The following ATM variants were observed in gnomAD, a reference collection of about 807,000 sequenced individuals.
The protein encoded by ATM is serine-protein kinase ATM.
ATM carries 308 observed loss-of-function variants against 387.0 expected under a neutral mutation model. That is an observed-to-expected ratio of 0.80 (90% CI 0.73 to 0.87). ATM has a LOEUF of 0.87. Among genes scored for constraint, ATM ranks in the 40% least tolerant of loss-of-function variants. The pLI is 0.00. For synonymous variants in ATM, 1,156 were observed against 1,187.3 expected (o/e 0.97, Z 0.54); for missense variants, 3,312 against 3,560.9 (o/e 0.93, Z 1.78).
Position 108,329,175 on chromosome 11 carries a change from C to G in ATM, c.7244C>G (p.Ala2415Gly), listed in dbSNP as rs370567994. 39 of 1,613,872 alleles carry G rather than the reference C, an allele frequency of 2.4e-5. No individual in the cohort carries two copies. The African/African-American group carries it at 4.9e-4, about 20-fold the overall frequency. Reference protein sequence around the residue: ...MKSSEFENKQALLKRAKEEVG... With the variant: ...MKSSEFENKQGLLKRAKEEVG... ...TCATCGGAATTTGAAAACAAGCAAG[C>G]TCTCCTGAAAAGAGCCAAAGAGGAA... The change falls in exon 49 of 63, where the codon GCT becomes GGT. Residue 2415 changes from alanine to glycine, a missense_variant. Transcript: ENST00000675843.
intron 45 of ATM, 61 bp from the exon 46 acceptor site, chr11:108,325,249 G>GTTTTTTT (rs11366542): frequency 3.5e-6 from 2 of 566,214 alleles, no homozygotes; most frequent in African/African-American, 2.4e-5. Context: ...AACTTACATA[G>GTTTTTTT]TTTTTTTTTT....
rs764787081 is a variant in ATM, at chr11:108,289,712, A to C, written c.4347A>C (p.Leu1449Phe). The change falls in exon 29 of 63, where the codon TTA becomes TTC. Residue 1449 changes from leucine (L) to phenylalanine (F), a missense_variant. Coordinates refer to ENST00000675843, the MANE Select transcript of ATM (RefSeq NM_000051.4). ...TATATCACCTGTTTGTTAGTTTATT[A>C]CTGAAAGATATAAAAAGTGGCTTAG... Reference protein sequence around the residue: ...LKIYHLFVSLLLKDIKSGLGG... With the variant: ...LKIYHLFVSLFLKDIKSGLGG... 1 of 1,613,656 alleles carries C rather than the reference A, an allele frequency of 6.2e-7. No homozygotes were observed. Among genetic ancestry groups the C allele is most frequent in the South Asian group, 1.1e-5 (1 of 91,064 alleles).
In ATM at chr11:108,367,929, C is replaced by T. The variant is rs2091417519; in HGVS notation, c.*2421C>T. Reference sequence around the variant, plus strand: ...AGGAAATGCAGTAAACTTAAAATGTCTTTAAGAAAGCCCTGAAATCTTCAT... The same window carrying T: ...AGGAAATGCAGTAAACTTAAAATGTTTTTAAGAAAGCCCTGAAATCTTCAT... On this transcript the variant is annotated 3_prime_UTR_variant, in exon 63 of 63. Coordinates refer to ENST00000675843, the MANE Select transcript of ATM (RefSeq NM_000051.4). 4.9e-6 allele frequency: 1 copy of T among 205,772 alleles called. No individual in the cohort carries two copies. 12.7% of individuals were successfully genotyped at this position (205,772 alleles called of 1,614,324 possible).
At chr11:108,246,563 G>A (rs1489299343) in intron 7 of ATM, among the ~76,000 whole-genome samples, 1 of 152,196 alleles carries the variant, frequency 6.6e-6, no homozygotes, top group Admixed American at 6.5e-5. Context: ...CTGAAATGGT[G>A]AGAAGTCTGA....
chr11:108,260,929 C>T (rs964514093), intron 16 of ATM, among the ~76,000 whole-genome samples: 16 of 152,174 alleles, frequency 1.1e-4, no homozygotes, highest in Admixed American at 2.0e-4. Context: ...TCTTTTGCGA[C>T]GGGCTTAAAA....
In ATM at chr11:108,250,892, A is replaced by G. The variant is rs1397399631; in HGVS notation, c.1427A>G (p.Gln476Arg). Residue 476 changes from glutamine (Q) to arginine (R), a missense_variant, in exon 10 of 63, where the codon CAA becomes CGA. Gln to Arg is a conservative substitution (Grantham distance 43). This residue lies in a region of ATM where 1,791 missense variants were observed against 1,804.5 expected (regional missense o/e 0.99). Transcript: ENST00000675843. ...QDKRSNLESS[Q>R]KSDLLKLWNK... Reference sequence around the variant, plus strand: ...AAGAGGTCAAACCTAGAAAGCTCACAAAAGTCAGATTTATTAAAACTCTGG... The same window carrying G: ...AAGAGGTCAAACCTAGAAAGCTCACGAAAGTCAGATTTATTAAAACTCTGG... 6.2e-7 allele frequency: 1 copy of G among 1,614,186 alleles called. No individual in the cohort carries two copies. Among genetic ancestry groups the G allele is most frequent in the Non-Finnish European group, 8.5e-7 (1 of 1,180,014 alleles).
intron 16 of ATM, among the ~76,000 whole-genome samples, chr11:108,266,461 A>T (rs2081245706): frequency 7.4e-6 from 1 of 134,468 alleles, no homozygotes; most frequent in Non-Finnish European, 1.5e-5. Flanking sequence ...CAGGAAGGGG[A>T]ATATCACACT....
intron 28 of ATM, 86 bp from the exon 29 acceptor site, chr11:108,289,516 A>G: frequency 1.9e-6 from 2 of 1,042,252 alleles, no homozygotes; most frequent in South Asian, 1.7e-5. Context: ...TAGGTATTCA[A>G]ATATTTGAAG....
intron 59 of ATM, among the ~76,000 whole-genome samples, chr11:108,349,646 G>C (rs1375066994): frequency 6.6e-5 from 10 of 152,102 alleles, no homozygotes; most frequent in Non-Finnish European, 1.5e-5. Flanking sequence ...CTGGGCGGCA[G>C]AGCAAGACTG....
intron 60 of ATM, 81 bp from the exon 61 acceptor site, chr11:108,354,730 C>CA: frequency 8.4e-7 from 1 of 1,194,270 alleles, no homozygotes; most frequent in Non-Finnish European, 1.3e-6. Flanking sequence ...CAGCATACTA[C>CA]ACATGAGAGT....
chr11:108,278,889 T>C (rs1008326617), intron 22 of ATM, among the ~76,000 whole-genome samples: 4 of 152,124 alleles, frequency 2.6e-5, no homozygotes, highest in African/African-American at 9.7e-5. Context: ...ATAGCAGATA[T>C]CTAATGTTCA....
intron 4 of ATM, among the ~76,000 whole-genome samples, chr11:108,231,795 G>C (rs1335047777): frequency 2.0e-5 from 3 of 151,874 alleles, no homozygotes; most frequent in African/African-American, 7.3e-5. Flanking sequence ...CAGATTGGTG[G>C]TATGAGACTT....
Position 108,317,650 on chromosome 11 carries a change from TATACACAC to T in ATM, c.6347+131_6347+138del, listed in dbSNP as rs1365247202. On this transcript the variant is annotated intron_variant, in intron 43 of 62. Coordinates refer to ENST00000675843, the MANE Select transcript of ATM (RefSeq NM_000051.4). ...ATATATATATATATATATATATATA[TATACACAC>T]ACACACACACACACACTATATATAT... The T allele has an allele frequency of 4.5e-3, 588 of 130,382 alleles. 6 individuals carry two copies. Among genetic ancestry groups the T allele is most frequent in the African/African-American group, 0.025 (540 of 21,910 alleles). The allele number at this position is 130,382 out of a possible 1,614,324, so 8.1% of individuals were successfully genotyped here. A position where few individuals can be genotyped will look rare whatever the true frequency, so the allele number is the denominator to read the frequency against.
At chr11:108,272,511 G>A in intron 20 of ATM, 21 bp from the exon 21 acceptor site, 1 of 1,583,970 alleles carries the variant, frequency 6.3e-7, no homozygotes, top group Non-Finnish European at 8.7e-7. Flanking sequence ...ATTTAACTTT[G>A]GAAAACTTAC....
At chr11:108,298,769 T>A (rs2083256679) in intron 33 of ATM, among the ~76,000 whole-genome samples, 1 of 152,216 alleles carries the variant, frequency 6.6e-6, no homozygotes, top group East Asian at 1.9e-4. Context: ...ACAGACGACA[T>A]GATCTTATGT....
At chr11:108,328,321 A>G (rs2085896252) in intron 48 of ATM, among the ~76,000 whole-genome samples, 1 of 152,162 alleles carries the variant, frequency 6.6e-6, no homozygotes, top group Non-Finnish European at 1.5e-5. Context: ...ATCTCGGCTC[A>G]CTGCAACCTC....
intron 5 of ATM, among the ~76,000 whole-genome samples, chr11:108,241,712 CTCTT>C (rs1345560720): frequency 1.2e-4 from 15 of 129,734 alleles, no homozygotes; most frequent in East Asian, 4.5e-4. Flanking sequence ...CCATGTCTTT[CTCTT>C]TCTTTCTTTC....
intron 29 of ATM, 109 bp from the exon 30 acceptor site, chr11:108,292,510 G>T: frequency 7.9e-7 from 1 of 1,273,560 alleles, no homozygotes; most frequent in Non-Finnish European, 1.1e-6. Flanking sequence ...TTATGTCAAG[G>T]CATATAAGAA....
intron 11 of ATM, among the ~76,000 whole-genome samples, chr11:108,252,257 A>G (rs1035328688): frequency 1.3e-5 from 2 of 152,216 alleles, no homozygotes; most frequent in African/African-American, 2.4e-5. Flanking sequence ...GGGGATGTGC[A>G]TGAAAAATGC....
Sources: allele counts gnomAD v4.1 joint callset (sites outside exome capture counted in the v4.1 genomes callset), GRCh38; gene constraint gnomAD v4.1.1; regional missense constraint gnomAD v4.1.1; transcripts MANE v1.5; gene names NCBI Gene and HGNC (gene_info 2026-07-23, HGNC 2026-07-21).